The following LMO7 variants were observed in gnomAD, a reference collection of about 807,000 sequenced individuals.
The protein encoded by LMO7 is LIM domain 7, also known as LIM domain only protein 7.
Under a neutral mutation model 206.5 loss-of-function variants are expected in LMO7, and 120 were observed. That is an observed-to-expected ratio of 0.58 (90% confidence interval 0.50 to 0.68). The LOEUF (loss-of-function observed/expected upper bound fraction) is 0.68. LMO7 is among the 30% of genes least tolerant of loss of function. The pLI, the probability that LMO7 is intolerant of heterozygous loss-of-function variation, is 0.00. For synonymous variants in LMO7, 706 were observed against 681.5 expected (o/e 1.04, Z -0.56); for missense variants, 1,959 against 1,957.9 (o/e 1.00, Z -0.01).
chr13:75,625,194 T>C (rs1044460729), intron 2 of LMO7, among the ~76,000 whole-genome samples: 1 of 152,228 alleles, frequency 6.6e-6, no homozygotes, highest in Non-Finnish European at 1.5e-5. Context: ...GACATTTCTC[T>C]AAGGCAAATA....
chr13:75,751,149 C>CTTTTTTTTTTTTTTTTTTTTTTT (rs57976279), intron 3 of LMO7, among the ~76,000 whole-genome samples: 1 of 60,390 alleles, frequency 1.7e-5, no homozygotes, highest in African/African-American at 6.7e-5. Flanking sequence ...TTTTTCAGCT[C>CTTTTTTTTTTTTTTTTTTTTTTT]TTTTTTTTTT....
chr13:75,785,046 A>G (rs958886639), intron 4 of LMO7, among the ~76,000 whole-genome samples: 2 of 152,152 alleles, frequency 1.3e-5, no homozygotes, highest in Admixed American at 1.3e-4. Flanking sequence ...AGGATAGTGG[A>G]AAATATCTAA....
At chr13:75,797,087 C>T (rs2054115288) in intron 6 of LMO7, among the ~76,000 whole-genome samples, 1 of 152,220 alleles carries the variant, frequency 6.6e-6, no homozygotes, top group African/African-American at 2.4e-5. Flanking sequence ...ATCGTAAACT[C>T]AACCTGTAGT....
chr13:75,623,144 C>T, intron 1 of LMO7: 1 of 572,730 alleles, frequency 1.7e-6, no homozygotes, highest in Non-Finnish European at 3.1e-6. Context: ...GGCATCTCTA[C>T]TAAATAGTAT....
chr13:75,694,664 G>A (rs933502798), intron 1 of LMO7, among the ~76,000 whole-genome samples: 2 of 152,068 alleles, frequency 1.3e-5, no homozygotes, highest in Admixed American at 6.5e-5. Flanking sequence ...GGAGAATGTC[G>A]GTATCATGGT....
intron 4 of LMO7, among the ~76,000 whole-genome samples, chr13:75,769,949 A>G (rs2049410278): frequency 6.6e-6 from 1 of 152,122 alleles, no homozygotes; most frequent in Non-Finnish European, 1.5e-5. Context: ...TTGGCTGACC[A>G]ATCACTAGAC....
At chr13:75,679,059 A>C (rs572579632) in intron 1 of LMO7, among the ~76,000 whole-genome samples, 13 of 152,324 alleles carry the variant, frequency 8.5e-5, no homozygotes, top group African/African-American at 3.1e-4. Context: ...TACTAGGTTC[A>C]GTCTTCCAGA....
Position 75,806,340 on chromosome 13 carries a change from C to G in LMO7, c.1196+580C>G, listed in dbSNP as rs1380383615. Reference sequence around the variant, plus strand: ...CTGCCTGCTTCTGCTGCTCCATTAGCCTGGGACCTGATTGCACTGAATCAG... The same window carrying G: ...CTGCCTGCTTCTGCTGCTCCATTAGGCTGGGACCTGATTGCACTGAATCAG... On this transcript the variant is annotated intron_variant, in intron 9 of 30. Coordinates refer to ENST00000377534, the MANE Select transcript of LMO7 (RefSeq NM_001306080.2). 4 of 723,842 alleles carry G rather than the reference C, an allele frequency of 5.5e-6. No homozygotes were observed. The African/African-American group carries it at 7.7e-5, about 14-fold the overall frequency. The allele number at this position is 723,842 out of a possible 1,614,324, so 44.8% of individuals were successfully genotyped here.
chr13:75,744,130 A>G (rs1325231069), intron 3 of LMO7, among the ~76,000 whole-genome samples: 1 of 152,190 alleles, frequency 6.6e-6, no homozygotes, highest in Non-Finnish European at 1.5e-5. Context: ...ATGTATTCTT[A>G]GGAAATTTCC....
rs145827460 is a variant in LMO7 at position 75,853,161 on chromosome 13, G to A, written c.4434G>A (p.Gln1478=). Residue 1478 remains glutamine (Q), a synonymous_variant, in exon 28 of 31, where the codon CAG becomes CAA. Transcript: ENST00000377534. ...NSWRQPPWLN[Q]PTGFYASSSV... ...GGAGACAGCCTCCTTGGCTCAATCA[G>A]CCCACAGGATTCTATGCTTCTTCCT... 9 of 1,613,902 alleles carry A rather than the reference G, an allele frequency of 5.6e-6. No homozygotes were observed. The highest frequency in any genetic ancestry group is 2.2e-5 in the East Asian group (1 of 44,872).
intron 2 of LMO7, among the ~76,000 whole-genome samples, chr13:75,719,267 A>C: frequency 6.6e-6 from 1 of 152,006 alleles, no homozygotes; most frequent in East Asian, 1.9e-4. Context: ...GGCGTGAGCC[A>C]CTGCACCCAA....
At position 75,696,350 on chromosome 13, in the gene LMO7, A is replaced by G. The variant is rs2041902109; in HGVS notation, c.70-16832A>G. ...AGCCTGGGCGACAGAGTGAGACTCC[A>G]TCTCAAAAAAACAAACAAACAAACA... On this transcript the variant is annotated intron_variant, in intron 1 of 30. Coordinates refer to ENST00000377534, the MANE Select transcript of LMO7 (RefSeq NM_001306080.2). Among the ~76,000 whole-genome samples the G allele has an allele frequency of 2.0e-5, 3 of 147,508 alleles. 1 individual carries two copies. In the South Asian group the frequency reaches 6.6e-4, roughly 33 times the overall value.
Position 75,841,245 on chromosome 13 carries a change from T to C in LMO7, c.3675+44T>C, listed in dbSNP as rs749876734. 4.8e-6 allele frequency: 6 copies of C among 1,261,834 alleles called. No individual in the cohort carries two copies. In the African/African-American group the frequency reaches 8.9e-5, roughly 19 times the overall value. The allele number at this position is 1,261,834 out of a possible 1,614,324, so 78.2% of individuals were successfully genotyped here. A position where few individuals can be genotyped will look rare whatever the true frequency, so the allele number is the denominator to read the frequency against. ...TGTTTAGTTTTTCTTCTCTTTACCTTGTTGGTGAGATTAGCTGAGAATCAG... is the reference window on the plus strand; with the variant it reads ...TGTTTAGTTTTTCTTCTCTTTACCTCGTTGGTGAGATTAGCTGAGAATCAG... On this transcript the variant is annotated intron_variant, in intron 23 of 30. Coordinates refer to ENST00000377534, the MANE Select transcript of LMO7 (RefSeq NM_001306080.2).
Position 75,841,666 on chromosome 13 carries a change from C to G in LMO7, c.3714C>G (p.Thr1238=). The G allele has an allele frequency of 6.2e-7, 1 of 1,613,988 alleles. No homozygotes were observed. The highest frequency in any genetic ancestry group is 8.5e-7 in the Non-Finnish European group (1 of 1,179,958). ...MVLSSNSMSL[T]TREPSLATWE... ...TAAGCTCAAACAGCATGTCTCTGACCACACGGGAGCCCTCTCTTGCCACCT... is the reference window on the plus strand; with the variant it reads ...TAAGCTCAAACAGCATGTCTCTGACGACACGGGAGCCCTCTCTTGCCACCT... The change falls in exon 24 of 31, where the codon ACC becomes ACG. Residue 1238 remains threonine, a synonymous_variant. Coordinates refer to ENST00000377534, the MANE Select transcript of LMO7 (RefSeq NM_001306080.2).
chr13:75,774,209 A>G (rs1324435882), intron 4 of LMO7, among the ~76,000 whole-genome samples: 1 of 152,134 alleles, frequency 6.6e-6, no homozygotes, highest in Non-Finnish European at 1.5e-5. Flanking sequence ...AAGTTTTCTC[A>G]TGTCCCTAAG....
intron 3 of LMO7, among the ~76,000 whole-genome samples, chr13:75,736,728 G>A (rs1435192696): frequency 6.6e-6 from 1 of 152,206 alleles, no homozygotes; most frequent in African/African-American, 2.4e-5. Context: ...ATGTCCATGA[G>A]CAGTTGTAGG....
At chr13:75,630,219 T>G (rs1340663877) in intron 2 of LMO7, among the ~76,000 whole-genome samples, 1 of 152,240 alleles carries the variant, frequency 6.6e-6, no homozygotes, top group African/African-American at 2.4e-5. Flanking sequence ...TACACCCAGA[T>G]CCATAGTTGG....
At chr13:75,721,251 A>G (rs982931114) in intron 2 of LMO7, among the ~76,000 whole-genome samples, 2 of 152,334 alleles carry the variant, frequency 1.3e-5, no homozygotes, top group African/African-American at 2.4e-5. Flanking sequence ...TATAAAGAAG[A>G]TAGAGATTTT....
chr13:75,842,940 T>C, intron 25 of LMO7, 24 bp downstream of exon 25: 6 of 1,409,630 alleles, frequency 4.3e-6, no homozygotes, highest in Non-Finnish European at 6.0e-6. Flanking sequence ...GTTATTGTAA[T>C]TTAATTGATG....
Sources: allele counts gnomAD v4.1 joint callset (sites outside exome capture counted in the v4.1 genomes callset), GRCh38; gene constraint gnomAD v4.1.1; transcripts MANE v1.5; gene names NCBI Gene and HGNC (gene_info 2026-07-23, HGNC 2026-07-21).